Variants in PNPT1 observed in about 807,000 individuals in gnomAD.
The protein encoded by PNPT1 is polyribonucleotide nucleotidyltransferase 1, also known as polyribonucleotide nucleotidyltransferase 1, mitochondrial.
In PNPT1, 53 loss-of-function variants were observed where a neutral mutation model predicts 119.5. The ratio of observed to expected loss-of-function variants is 0.44; its 90% CI spans 0.36 to 0.56. The LOEUF (loss-of-function observed/expected upper bound fraction) is 0.56, where lower values mean the gene tolerates loss of function less well. Among genes scored for constraint, PNPT1 ranks in the 20% least tolerant of loss-of-function variants. PNPT1 has a pLI of 0.00. For synonymous variants in PNPT1, 357 were observed against 322.1 expected (o/e 1.11, Z -1.16); for missense variants, 948 against 938.5 (o/e 1.01, Z -0.13).
chr2:55,650,562 C>T (rs1158648861), intron 18 of PNPT1, among the ~76,000 whole-genome samples: 3 of 152,130 alleles, frequency 2.0e-5, no homozygotes, highest in African/African-American at 7.2e-5. Context: ...GCCCGGCCGC[C>T]ACCCCGTCTA....
At chr2:55,685,114 G>A in intron 3 of PNPT1, 66 bp from the exon 4 acceptor site, 1 of 1,206,318 alleles carries the variant, frequency 8.3e-7, no homozygotes. Context: ...CTGTATGAAT[G>A]CTAATTCTCC....
At chr2:55,681,289 C>T (rs1697239784) in intron 5 of PNPT1, among the ~76,000 whole-genome samples, 1 of 152,046 alleles carries the variant, frequency 6.6e-6, no homozygotes, top group African/African-American at 2.4e-5. Flanking sequence ...TGCCTGTAGT[C>T]CCAACTAATC....
rs1696755147 is a variant in PNPT1, at chr2:55,667,061, T to C, written c.1106A>G (p.Asn369Ser). 11 of 1,612,506 alleles carry C rather than the reference T, an allele frequency of 6.8e-6. No homozygotes were observed. Among genetic ancestry groups the C allele is most frequent in the Non-Finnish European group, 9.3e-6 (11 of 1,179,376 alleles). The change falls in exon 13 of 28, where the codon AAT (asparagine) becomes AGT (serine). Residue 369 changes from asparagine to serine, a missense_variant. Asn to Ser is a conservative substitution (Grantham distance 46). Coordinates refer to ENST00000447944, the MANE Select transcript of PNPT1 (RefSeq NM_033109.5). Reference sequence around the variant, plus strand: ...AAACATATCTACCTCACAACTTACATTCCTAAGTGAAGTCAAATCCCGACC... The same window carrying C: ...AAACATATCTACCTCACAACTTACACTCCTAAGTGAAGTCAAATCCCGACC... ...CDGRDLTSLR[N>S]VSCEVDMFKT...
At chr2:55,640,329 T>A (rs1188303317) in intron 26 of PNPT1, among the ~76,000 whole-genome samples, 1 of 152,170 alleles carries the variant, frequency 6.6e-6, no homozygotes, top group Non-Finnish European at 1.5e-5. Flanking sequence ...AATTTTTGTA[T>A]TTTTAGTACA....
At chr2:55,650,278 G>A (rs971190282) in intron 18 of PNPT1, among the ~76,000 whole-genome samples, 6 of 152,142 alleles carry the variant, frequency 3.9e-5, no homozygotes, top group Admixed American at 6.6e-5. Context: ...GACTGCCTGC[G>A]ATTGCAGGCG....
chr2:55,644,673 C>T lies in PNPT1; in HGVS notation c.1870G>A (p.Gly624Ser), dbSNP rs1695931880. ...TGAAGTTTTTTTAAGTTATAGCCAC[C>T]AGGTCCAACAAATTTTGCTCGTTTT... ...LSKRAKFVGP[G>S]GYNLKKLQAE... The change falls in exon 23 of 28, where the codon GGT (glycine) becomes AGT (serine). Residue 624 changes from glycine to serine, a missense_variant. Gly to Ser is a moderately conservative substitution (Grantham distance 56). Transcript: ENST00000447944. 6.2e-7 allele frequency: 1 copy of T among 1,612,644 alleles called. No individual in the cohort carries two copies. The highest frequency in any genetic ancestry group is 8.5e-7 in the Non-Finnish European group (1 of 1,178,992).
chr2:55,689,667 G>A (rs1697528041), intron 1 of PNPT1, among the ~76,000 whole-genome samples: 1 of 152,202 alleles, frequency 6.6e-6, no homozygotes, highest in African/African-American at 2.4e-5. Context: ...GCGATGGAAA[G>A]TAGATTAGTG....
chr2:55,675,289 CAA>C (rs757171568), intron 8 of PNPT1, among the ~76,000 whole-genome samples: 14 of 128,284 alleles, frequency 1.1e-4, no homozygotes, highest in Admixed American at 1.6e-4. Flanking sequence ...GAACCAGATT[CAA>C]AAAAAAAAAA....
intron 25 of PNPT1, among the ~76,000 whole-genome samples, chr2:55,641,174 A>G (rs1157855189): frequency 6.6e-6 from 1 of 152,172 alleles, no homozygotes; most frequent in Non-Finnish European, 1.5e-5. Context: ...CAGTGAGCCG[A>G]GATCGTGCCA....
At chr2:55,655,021 G>A in intron 17 of PNPT1, 68 bp from the exon 18 acceptor site, 1 of 1,352,896 alleles carries the variant, frequency 7.4e-7, no homozygotes. Context: ...GTTACTATTG[G>A]TTATTTCCTT....
At chr2:55,692,616 G>A (rs1330973615) in intron 1 of PNPT1, among the ~76,000 whole-genome samples, 2 of 151,990 alleles carry the variant, frequency 1.3e-5, no homozygotes, top group African/African-American at 2.4e-5. Flanking sequence ...CTTTTTTATA[G>A]ACTCTTAGAA....
chr2:55,677,116 T>A (rs769441696), intron 8 of PNPT1, among the ~76,000 whole-genome samples: 1 of 152,104 alleles, frequency 6.6e-6, no homozygotes, highest in Non-Finnish European at 1.5e-5. Flanking sequence ...AGGCTGGTAA[T>A]TCCTAAAAAC....
At chr2:55,661,883 A>G in intron 14 of PNPT1, 73 bp downstream of exon 14, 1 of 1,306,408 alleles carries the variant, frequency 7.7e-7, no homozygotes, top group Non-Finnish European at 1.0e-6. Context: ...ATAATTAATA[A>G]TATACCACAT....
chr2:55,685,065 A>G lies in PNPT1; in HGVS notation c.298-17T>C, dbSNP rs1697359955. 3 of 1,553,250 alleles carry G rather than the reference A, an allele frequency of 1.9e-6. No homozygotes were observed. Among genetic ancestry groups the G allele is most frequent in the Non-Finnish European group, 2.6e-6 (3 of 1,144,398 alleles). ...GTAGTCAACCTGAAGCAGCAATAAA[A>G]AAAAGTTCATATAATTCTTTTTGCA... On this transcript the variant is annotated splice_polypyrimidine_tract_variant and intron_variant, in intron 3 of 27. Transcript: ENST00000447944.
At chr2:55,637,679 CT>C in intron 26 of PNPT1, 80 bp from the exon 27 acceptor site, 1 of 1,233,932 alleles carries the variant, frequency 8.1e-7, no homozygotes, top group Non-Finnish European at 1.2e-6. Context: ...TTTCCTCAAG[CT>C]TTATTAGTTT....
intron 25 of PNPT1, among the ~76,000 whole-genome samples, chr2:55,641,876 C>G (rs1695843960): frequency 6.7e-6 from 1 of 150,002 alleles, no homozygotes; most frequent in African/African-American, 2.5e-5. Flanking sequence ...GAGTCTCGCT[C>G]TGTCGCCCAG....
At position 55,679,786 on chromosome 2, in the gene PNPT1, C is replaced by T. The variant is rs772153760; in HGVS notation, c.575G>A (p.Arg192Gln). 6 of 1,600,858 alleles carry T rather than the reference C, an allele frequency of 3.7e-6. No homozygotes were observed. The highest frequency in any genetic ancestry group is 2.7e-5 in the African/African-American group (2 of 74,542). ...ATATTCTCCATCAATTATTCCTATT[C>T]GTACTGCCCCTAAAATGTATTAGAA... Reference protein sequence around the residue: ...IPWNGPVGAVRIGIIDGEYVV... With the variant: ...IPWNGPVGAVQIGIIDGEYVV... The change falls in exon 8 of 28, where the codon CGA (arginine) becomes CAA (glutamine). Residue 192 changes from arginine to glutamine, a missense_variant. By Grantham distance (43) the Arg-to-Gln change is conservative (BLOSUM62 1). Coordinates refer to ENST00000447944, the MANE Select transcript of PNPT1 (RefSeq NM_033109.5).
chr2:55,687,170 C>G (rs566944234), intron 2 of PNPT1, among the ~76,000 whole-genome samples: 1 of 147,758 alleles, frequency 6.8e-6, no homozygotes, highest in Non-Finnish European at 1.5e-5. Context: ...ACCGAGATCG[C>G]GCCGCTGCAC....
chr2:55,654,625 A>G (rs1437272722), intron 18 of PNPT1, among the ~76,000 whole-genome samples: 11 of 152,222 alleles, frequency 7.2e-5, no homozygotes, highest in Non-Finnish European at 1.3e-4. Flanking sequence ...CTTTTCAGCC[A>G]TCTTGCCTCT....
Sources: gnomAD v4.1 joint callset for allele counts (sites outside exome capture counted in the v4.1 genomes callset) on GRCh38, gnomAD v4.1.1 for gene constraint, MANE v1.5 for transcripts, NCBI Gene and HGNC (gene_info 2026-07-23, HGNC 2026-07-21) for gene names.